Variants in ZFHX3 observed in about 807,000 individuals in gnomAD.
The protein encoded by ZFHX3 is zinc finger homeobox protein 3.
Under a neutral mutation model 279.1 loss-of-function variants are expected in ZFHX3, and 42 were observed. The observed-to-expected ratio is 0.15, with a 90% CI of 0.12 to 0.19. The LOEUF (loss-of-function observed/expected upper bound fraction) is 0.19. Ranked by LOEUF, ZFHX3 falls within the 10% of genes least tolerant of loss-of-function variation. The pLI is 1.00. For missense variants in ZFHX3, 4,981 were observed against 4,754.0 expected (o/e 1.05, Z -1.40); for synonymous variants, 2,293 against 1,957.8 (o/e 1.17, Z -4.52).
intron 3 of ZFHX3, among the ~76,000 whole-genome samples, chr16:73,363,466 T>A (rs1446165480): frequency 6.6e-6 from 1 of 152,184 alleles, no homozygotes; most frequent in Non-Finnish European, 1.5e-5. Flanking sequence ...CTCCTCACCC[T>A]GTGCATACCC....
At chr16:73,081,350 C>T (rs1399927121) in intron 8 of ZFHX3, 2 of 151,958 alleles carry the variant, frequency 1.3e-5, no homozygotes. Context: ...ATCTTCGCCT[C>T]CCAGGTTCAA....
At chr16:73,759,573 T>G (rs2053842688) in intron 1 of ZFHX3, among the ~76,000 whole-genome samples, 1 of 152,116 alleles carries the variant, frequency 6.6e-6, no homozygotes, top group Non-Finnish European at 1.5e-5. Flanking sequence ...AAAGAAAAGT[T>G]AAAAAGAGGA....
intron 1 of ZFHX3, among the ~76,000 whole-genome samples, chr16:73,000,616 T>C (rs1178888886): frequency 1.3e-5 from 2 of 152,216 alleles, no homozygotes; most frequent in Non-Finnish European, 2.9e-5. Flanking sequence ...AAAGAGCTCC[T>C]GGGTGTTTCT....
intron 4 of ZFHX3, among the ~76,000 whole-genome samples, chr16:72,861,214 A>T (rs781437910): frequency 2.0e-5 from 3 of 152,210 alleles, no homozygotes; most frequent in Non-Finnish European, 2.9e-5. Flanking sequence ...GCCATATGGC[A>T]TGTCCTCGTT....
intron 1 of ZFHX3, among the ~76,000 whole-genome samples, chr16:73,034,865 T>A (rs1038431277): frequency 6.6e-6 from 1 of 152,136 alleles, no homozygotes; most frequent in African/African-American, 2.4e-5. Context: ...CCTAACAATC[T>A]CATGAGCATG....
intron 4 of ZFHX3, among the ~76,000 whole-genome samples, chr16:72,850,538 A>G (rs1465336235): frequency 6.6e-6 from 1 of 152,194 alleles, no homozygotes; most frequent in Admixed American, 6.5e-5. Context: ...TGATTAGAGG[A>G]GGCTCAAGGA....
chr16:73,415,306 A>G (rs1388831790), intron 3 of ZFHX3, among the ~76,000 whole-genome samples: 3 of 152,194 alleles, frequency 2.0e-5, no homozygotes, highest in Non-Finnish European at 4.4e-5. Context: ...TGAGGTCTGC[A>G]TGTTTTGTGA....
At chr16:73,307,923 A>ACAGAAAGTT (rs1180902573) in intron 4 of ZFHX3, among the ~76,000 whole-genome samples, 1 of 152,058 alleles carries the variant, frequency 6.6e-6, no homozygotes, top group Non-Finnish European at 1.5e-5. Context: ...GGAACACTGA[A>ACAGAAAGTT]CAGAAAGTTC....
chr16:73,662,308 G>C (rs1280750221), intron 2 of ZFHX3, among the ~76,000 whole-genome samples: 1 of 152,078 alleles, frequency 6.6e-6, no homozygotes, highest in East Asian at 1.9e-4. Context: ...TTTTACATCT[G>C]TGACATGAGA....
rs188225514 is a variant in ZFHX3, at chr16:73,617,740, C to A, written c.-1547+62440G>T. Reference sequence around the variant, plus strand: ...GGCAACTGTGTTATAAAAAAGTATACCATTGGGAGGGCTCTCAAAATGTTA... The same window carrying A: ...GGCAACTGTGTTATAAAAAAGTATAACATTGGGAGGGCTCTCAAAATGTTA... On this transcript the variant is annotated intron_variant, in intron 2 of 17. Transcript: ENST00000641206. Among the ~76,000 whole-genome samples the A allele has an allele frequency of 3.6e-3, 553 of 152,158 alleles. 4 individuals carry two copies. The highest frequency in any genetic ancestry group is 0.013 in the African/African-American group (519 of 41,508).
At chr16:73,588,766 T>A (rs1174242109) in intron 2 of ZFHX3, among the ~76,000 whole-genome samples, 2 of 148,026 alleles carry the variant, frequency 1.4e-5, no homozygotes, top group South Asian at 4.2e-4. Flanking sequence ...CCCAAGGACA[T>A]GCAATCATCA....
chr16:73,003,361 A>G (rs1963566659), intron 1 of ZFHX3, among the ~76,000 whole-genome samples: 1 of 151,584 alleles, frequency 6.6e-6, no homozygotes, highest in Admixed American at 6.6e-5. Flanking sequence ...GCCCTTGTGA[A>G]GCTTAGATTC....
At chr16:72,960,366 G>A (rs954362101) in intron 1 of ZFHX3, among the ~76,000 whole-genome samples, 172 bp from the exon 2 acceptor site, 10 of 152,100 alleles carry the variant, frequency 6.6e-5, no homozygotes, top group Admixed American at 2.0e-4. Context: ...TGCCCCACAC[G>A]GTCCAGCACA....
chr16:73,435,925 C>G (rs561579393), intron 3 of ZFHX3, among the ~76,000 whole-genome samples: 1 of 152,328 alleles, frequency 6.6e-6, no homozygotes, highest in African/African-American at 2.4e-5. Context: ...TGCTGAGGCT[C>G]ACTGAATGGG....
At chr16:73,258,155 G>T (rs76498328) in intron 4 of ZFHX3, among the ~76,000 whole-genome samples, 4,213 of 151,932 alleles carry the variant, frequency 0.028, 194 homozygotes, top group African/African-American at 0.097. Flanking sequence ...TTCACATTCA[G>T]TCTTGACACC....
chr16:73,020,571 G>A (rs77202822), intron 1 of ZFHX3, among the ~76,000 whole-genome samples: 3,191 of 152,276 alleles, frequency 0.021, 50 homozygotes, highest in East Asian at 0.071. Context: ...GGCCAGGCCC[G>A]TGGTGTTGAC....
chr16:73,687,329 C>A (rs937031454), intron 1 of ZFHX3, among the ~76,000 whole-genome samples: 1 of 150,258 alleles, frequency 6.7e-6, no homozygotes, highest in Non-Finnish European at 1.5e-5. Context: ...GAGGTGGAGG[C>A]TGCAGTGAGC....
chr16:73,148,393 G>A (rs892630626), intron 5 of ZFHX3, among the ~76,000 whole-genome samples: 33 of 152,088 alleles, frequency 2.2e-4, no homozygotes, highest in Admixed American at 1.3e-4. Flanking sequence ...AATAATCTAT[G>A]GTTGGTAGAA....
At chr16:73,446,724 G>A (rs2018191933) in intron 3 of ZFHX3, among the ~76,000 whole-genome samples, 3 of 152,022 alleles carry the variant, frequency 2.0e-5, no homozygotes, top group Non-Finnish European at 4.4e-5. Flanking sequence ...CATATACTGG[G>A]GCCTACCGGA....
Sources: gnomAD v4.1 joint callset for allele counts (sites outside exome capture counted in the v4.1 genomes callset) on GRCh38, gnomAD v4.1.1 for gene constraint, MANE v1.5 for transcripts, NCBI Gene and HGNC (gene_info 2026-07-23, HGNC 2026-07-21) for gene names.